Variants in SIN3A observed in about 807,000 individuals in gnomAD.
SIN3A encodes SIN3 transcription regulator family member A.
A neutral mutation model predicts 146.1 loss-of-function variants in SIN3A; 14 were observed. That is an observed-to-expected ratio of 0.10 (90% CI 0.06 to 0.15). The LOEUF (loss-of-function observed/expected upper bound fraction) is 0.15. Ranked by LOEUF, SIN3A falls within the 10% of genes least tolerant of loss-of-function variation. SIN3A has a pLI of 1.00. For synonymous variants in SIN3A, 572 were observed against 572.0 expected, an observed-to-expected ratio of 1.00 and a Z score of 0.00; for missense variants, 1,028 against 1,576.0, an observed-to-expected ratio of 0.65 and a Z score of 5.89.
At chr15:75,452,634 G>A (rs1282132737), upstream of SIN3A, among the ~76,000 whole-genome samples, 1 of 152,234 alleles carries the variant, frequency 6.6e-6, no homozygotes, top group Admixed American at 6.5e-5. Context: ...TCCTAAGAGG[G>A]CGGAGATAAC....
At chr15:75,453,207 C>T (rs2074436587), upstream of SIN3A, 1 of 152,520 alleles carries the variant, frequency 6.6e-6, no homozygotes, top group Non-Finnish European at 1.5e-5. Flanking sequence ...CAGGAACGAG[C>T]TCTGGCAGCA....
At chr15:75,393,027 T>C (rs374879805) in intron 14 of SIN3A, among the ~76,000 whole-genome samples, 1 of 152,100 alleles carries the variant, frequency 6.6e-6, no homozygotes, top group South Asian at 2.1e-4. Flanking sequence ...GTCAGGAGTT[T>C]GAGATCAGCC....
At position 75,411,655 on chromosome 15, in the gene SIN3A, G is replaced by C. The variant is rs1166259702; in HGVS notation, c.845C>G (p.Pro282Arg). ...YASPRSPPVQ[P>R]HTPVTISLGT... ...CAACGAGATTGTCACTGGTGTGTGA[G>C]GCTGGACCGGCGGAGAACGTGGGGA... Residue 282 changes from proline (P) to arginine (R), a missense_variant, in exon 6 of 21, where the codon CCT (proline) becomes CGT (arginine). Pro to Arg is a moderately radical substitution (Grantham distance 103). Coordinates refer to ENST00000394947, the MANE Select transcript of SIN3A (RefSeq NM_001145358.2). 1.9e-6 allele frequency: 3 copies of C among 1,614,066 alleles called. No homozygotes were observed. The highest frequency in any genetic ancestry group is 2.5e-6 in the Non-Finnish European group (3 of 1,180,022).
upstream of SIN3A, among the ~76,000 whole-genome samples, chr15:75,454,418 G>C (rs961320160): frequency 2.0e-5 from 3 of 151,710 alleles, no homozygotes; most frequent in African/African-American, 7.3e-5. Context: ...GGGCCGAGGA[G>C]TGCAGGCAAG....
At chr15:75,405,365 T>TA (rs57252194) in intron 9 of SIN3A, among the ~76,000 whole-genome samples, 4,070 of 122,870 alleles carry the variant, frequency 0.033, 185 homozygotes, top group Admixed American at 0.13. Flanking sequence ...AGACTCTGTC[T>TA]AAAAAAAAAA....
At chr15:75,392,050 T>A (rs1019613024) in intron 15 of SIN3A, among the ~76,000 whole-genome samples, 192 bp downstream of exon 15, 23 of 152,220 alleles carry the variant, frequency 1.5e-4, no homozygotes, top group African/African-American at 5.5e-4. Flanking sequence ...AAGCCCTGCA[T>A]AGGATACTTT....
intron 16 of SIN3A, among the ~76,000 whole-genome samples, chr15:75,387,272 C>T (rs769600507): frequency 2.0e-5 from 3 of 152,024 alleles, no homozygotes; most frequent in South Asian, 2.1e-4. Flanking sequence ...TGCCCGTAAT[C>T]GCAGCGCTTT....
intron 1 of SIN3A, among the ~76,000 whole-genome samples, chr15:75,430,939 C>T (rs1056173234): frequency 2.6e-5 from 4 of 152,236 alleles, no homozygotes; most frequent in Middle Eastern, 6.8e-3. Flanking sequence ...CCACACCCGG[C>T]TACTTTTTTT....
At chr15:75,393,633 C>T (rs2073250092) in intron 14 of SIN3A, among the ~76,000 whole-genome samples, 1 of 152,106 alleles carries the variant, frequency 6.6e-6, no homozygotes, top group South Asian at 2.1e-4. Context: ...CCTCAGCCTC[C>T]CAAAGTGATG....
intron 1 of SIN3A, among the ~76,000 whole-genome samples, chr15:75,435,316 T>C (rs939324305): frequency 6.6e-6 from 1 of 152,168 alleles, no homozygotes; most frequent in African/African-American, 2.4e-5. Flanking sequence ...AATGTGATCA[T>C]GCATATTATG....
chr15:75,396,224 C>T (rs1221626612), intron 13 of SIN3A, 34 bp downstream of exon 13: 1 of 1,450,410 alleles, frequency 6.9e-7, no homozygotes, highest in East Asian at 2.3e-5. Context: ...TAGTGAAGTA[C>T]ACTAAAGCAC....
At chr15:75,383,272 A>T (rs1303564842) in intron 17 of SIN3A, among the ~76,000 whole-genome samples, 24 of 133,884 alleles carry the variant, frequency 1.8e-4, no homozygotes, top group Admixed American at 3.7e-4. Flanking sequence ...TCCCTGTCTT[A>T]AAAAAAAAAA....
intron 1 of SIN3A, 21 bp downstream of exon 1, chr15:75,451,402 C>T (rs113497231): frequency 4.4e-4 from 66 of 149,972 alleles, no homozygotes; most frequent in African/African-American, 1.5e-3. Context: ...CCGCCCGGCC[C>T]CCGGCCCAGC....
Position 75,422,653 on chromosome 15 carries a change from C to A in SIN3A, c.360G>T (p.Arg120Ser), listed in dbSNP as rs2073858901. 6.2e-7 allele frequency: 1 copy of A among 1,614,112 alleles called. No individual in the cohort carries two copies. The highest frequency in any genetic ancestry group is 1.1e-5 in the South Asian group (1 of 91,088). Residue 120 changes from arginine (R) to serine (S), a missense_variant, in exon 3 of 21, where the codon AGG becomes AGT. Physicochemically the swap from Arg to Ser is moderately radical, Grantham distance 110. Coordinates refer to ENST00000394947, the MANE Select transcript of SIN3A (RefSeq NM_001145358.2). ...APVQGQQQFQ[R>S]LKVEDALSYL... Reference sequence around the variant, plus strand: ...AAAAAGAGCTGAATACCACCTTCAGCCTCTGAAATTGCTGCTGTCCCTGCA... The same window carrying A: ...AAAAAGAGCTGAATACCACCTTCAGACTCTGAAATTGCTGCTGTCCCTGCA...
In SIN3A at chr15:75,371,758, T is replaced by C; in HGVS notation, c.*221A>G. ...CAGGGCAGGCTATACCCAAAACCCT[T>C]TGGGAAAAGTTCCAGCTTCAGCTTT... On this transcript the variant is annotated 3_prime_UTR_variant, in exon 21 of 21. Transcript: ENST00000394947. The C allele has an allele frequency of 3.6e-6, 2 of 548,394 alleles. No individual in the cohort carries two copies. Among genetic ancestry groups the C allele is most frequent in the Non-Finnish European group, 3.2e-6 (1 of 308,916 alleles). The allele number at this position is 548,394 out of a possible 1,614,324, so 34.0% of individuals were successfully genotyped here.
chr15:75,444,191 A>G (rs968618703), intron 1 of SIN3A, among the ~76,000 whole-genome samples: 1 of 152,226 alleles, frequency 6.6e-6, no homozygotes, highest in Non-Finnish European at 1.5e-5. Context: ...CAGGCTGGGC[A>G]TGGTGACTCA....
chr15:75,415,705 G>T (rs1275015139), intron 3 of SIN3A: 2 of 162,002 alleles, frequency 1.2e-5, no homozygotes, highest in Non-Finnish European at 2.7e-5. Flanking sequence ...ACAAAAATTA[G>T]CCAGGCATGG....
intron 8 of SIN3A, 24 bp downstream of exon 8, chr15:75,409,812 T>C: frequency 6.2e-7 from 1 of 1,608,108 alleles, no homozygotes; most frequent in Non-Finnish European, 8.5e-7. Flanking sequence ...AGTGTCAAAA[T>C]GAGCAGCTGC....
intron 3 of SIN3A, chr15:75,415,292 A>G (rs1271342515): frequency 1.3e-5 from 2 of 152,642 alleles, no homozygotes; most frequent in Non-Finnish European, 2.9e-5. Flanking sequence ...CTGACTGAAT[A>G]GAGGAGCTAA....
Sources: gnomAD v4.1 joint callset for allele counts (sites outside exome capture counted in the v4.1 genomes callset) on GRCh38, gnomAD v4.1.1 for gene constraint, MANE v1.5 for transcripts, NCBI Gene and HGNC (gene_info 2026-07-23, HGNC 2026-07-21) for gene names.